Variants in SIL1 observed in about 807,000 individuals in gnomAD.
The protein encoded by SIL1 is SIL1 nucleotide exchange factor, also known as nucleotide exchange factor SIL1.
A neutral mutation model predicts 49.1 loss-of-function variants in SIL1; 40 were observed. That is an observed-to-expected ratio of 0.81 (90% CI 0.63 to 1.06). The LOEUF is 1.06. Among genes scored for constraint, SIL1 ranks in the 50% least tolerant of loss-of-function variants. The pLI is 0.00. For missense variants in SIL1, 500 were observed against 572.6 expected (o/e 0.87, Z 1.29); for synonymous variants, 253 against 250.8 (o/e 1.01, Z -0.08).
At chr5:139,165,417 C>T (rs1017036088) in intron 1 of SIL1, among the ~76,000 whole-genome samples, 4 of 151,552 alleles carry the variant, frequency 2.6e-5, no homozygotes, top group African/African-American at 4.8e-5. Context: ...TGTGTGATCT[C>T]GGCTCACTGC....
chr5:139,113,198 C>T (rs1770910155), intron 3 of SIL1, among the ~76,000 whole-genome samples: 1 of 152,078 alleles, frequency 6.6e-6, no homozygotes, highest in African/African-American at 2.4e-5. Context: ...AAACCAGAAA[C>T]CTTTGTTCAC....
At chr5:138,973,202 A>T (rs530797026) in intron 7 of SIL1, among the ~76,000 whole-genome samples, 16 of 52,172 alleles carry the variant, frequency 3.1e-4, no homozygotes, top group African/African-American at 6.7e-4. Flanking sequence ...TGAAGTATTT[A>T]AAAAAAAAAA....
At position 138,948,052 on chromosome 5, in the gene SIL1, T is replaced by C. The variant is rs1766674877; in HGVS notation, c.1030-579A>G. Among the ~76,000 whole-genome samples, 1 of 152,164 alleles carries C rather than the reference T, an allele frequency of 6.6e-6. No individual in the cohort carries two copies. Among genetic ancestry groups the C allele is most frequent in the Non-Finnish European group, 1.5e-5 (1 of 68,020 alleles). ...TACCTGAAGGTCAGAGGTAGAGGGT[T>C]GGGAGGGGGCAGAGATCTCCCGTGC... On this transcript the variant is annotated intron_variant, in intron 9 of 9. Transcript: ENST00000394817. The surrounding 1 kb of genome is among the most constrained non-coding windows in gnomAD (Gnocchi z 4.8).
At chr5:139,170,796 G>T (rs1027688606) in intron 1 of SIL1, among the ~76,000 whole-genome samples, 1 of 150,494 alleles carries the variant, frequency 6.6e-6, no homozygotes, top group Non-Finnish European at 1.5e-5. Context: ...CCCTGGCCAG[G>T]CCAGCCGCCC....
intron 1 of SIL1, among the ~76,000 whole-genome samples, chr5:139,162,978 A>G (rs1030303449): frequency 3.9e-5 from 6 of 152,062 alleles, no homozygotes; most frequent in African/African-American, 1.4e-4. Context: ...AGCTCATCCA[A>G]TGAAGACGAG....
intron 1 of SIL1, among the ~76,000 whole-genome samples, chr5:139,178,642 A>C (rs1751928254): frequency 6.6e-6 from 1 of 152,036 alleles, no homozygotes; most frequent in Admixed American, 6.6e-5. Flanking sequence ...TGGTCTTCAC[A>C]ATATTTACTC....
chr5:139,093,695 C>T (rs1770392836), intron 3 of SIL1: 1 of 152,198 alleles, frequency 6.6e-6, no homozygotes, highest in Non-Finnish European at 1.5e-5. Flanking sequence ...ATTTAATTCC[C>T]TTGGGATCAC....
At chr5:139,091,665 G>T (rs570112849) in intron 3 of SIL1, among the ~76,000 whole-genome samples, 37 of 152,302 alleles carry the variant, frequency 2.4e-4, no homozygotes, top group South Asian at 2.1e-3. Flanking sequence ...CTTCTAGGAA[G>T]TGACTGCAAA....
At chr5:139,059,954 G>A (rs1025905729) in intron 3 of SIL1, among the ~76,000 whole-genome samples, 2 of 152,072 alleles carry the variant, frequency 1.3e-5, no homozygotes, top group African/African-American at 4.8e-5. Flanking sequence ...ATATCCCTGT[G>A]AGAAATACAT....
chr5:139,129,414 G>C (rs1182380452), intron 1 of SIL1, among the ~76,000 whole-genome samples: 1 of 152,216 alleles, frequency 6.6e-6, no homozygotes, highest in African/African-American at 2.4e-5. Flanking sequence ...GCCAGGTGTG[G>C]TGGCTCACGC....
intron 1 of SIL1, among the ~76,000 whole-genome samples, chr5:139,187,088 G>T (rs959514452): frequency 4.6e-5 from 7 of 152,196 alleles, no homozygotes; most frequent in African/African-American, 1.7e-4. Flanking sequence ...CCATATCCTT[G>T]AGAAGCTCAT....
chr5:139,115,382 G>A (rs1162203591), intron 3 of SIL1, among the ~76,000 whole-genome samples: 3 of 152,128 alleles, frequency 2.0e-5, no homozygotes, highest in Non-Finnish European at 4.4e-5. Flanking sequence ...TACTGATTAG[G>A]TGACTCTTGG....
At chr5:138,955,467 CAA>C (rs367760515) in intron 7 of SIL1, among the ~76,000 whole-genome samples, 2 of 152,210 alleles carry the variant, frequency 1.3e-5, no homozygotes, top group East Asian at 1.9e-4. Context: ...TTGCAAAAAC[CAA>C]AGAGTTTGGG....
chr5:139,043,075 G>C (rs1769080624), intron 4 of SIL1, among the ~76,000 whole-genome samples: 2 of 152,200 alleles, frequency 1.3e-5, no homozygotes, highest in African/African-American at 4.8e-5. Flanking sequence ...TAAGGTAAGT[G>C]AGGCCAGGCC....
chr5:139,094,790 C>A (rs903653557), intron 3 of SIL1, among the ~76,000 whole-genome samples: 2 of 152,220 alleles, frequency 1.3e-5, no homozygotes, highest in African/African-American at 4.8e-5. Context: ...CCATGAATAT[C>A]CTCTTCCTGT....
intron 1 of SIL1, among the ~76,000 whole-genome samples, chr5:139,169,537 A>C (rs1751693307): frequency 6.7e-6 from 1 of 149,362 alleles, no homozygotes; most frequent in African/African-American, 2.5e-5. Context: ...ACTGGAGTGC[A>C]ATGGCACAAT....
chr5:139,122,269 C>T (rs1750656672), intron 2 of SIL1, among the ~76,000 whole-genome samples: 1 of 152,060 alleles, frequency 6.6e-6, no homozygotes, highest in Admixed American at 6.6e-5. Flanking sequence ...TATATGCATA[C>T]ATCTGTAAAG....
chr5:139,139,442 G>C (rs1751039084), intron 1 of SIL1, among the ~76,000 whole-genome samples: 1 of 152,132 alleles, frequency 6.6e-6, no homozygotes. Flanking sequence ...AGTTCTAAAG[G>C]AACTATCTGC....
chr5:139,011,629 C>T (rs998820765), intron 7 of SIL1, among the ~76,000 whole-genome samples: 4 of 152,100 alleles, frequency 2.6e-5, no homozygotes, highest in Non-Finnish European at 4.4e-5. Flanking sequence ...CCACTGCACC[C>T]CATCTAGCTA....
Sources: gnomAD v4.1 joint callset for allele counts (sites outside exome capture counted in the v4.1 genomes callset) on GRCh38, gnomAD v4.1.1 for gene constraint, Gnocchi (gnomAD v3.1) non-coding constraint, MANE v1.5 for transcripts, NCBI Gene and HGNC (gene_info 2026-07-23, HGNC 2026-07-21) for gene names.